The following EYS variants were observed in gnomAD, a reference collection of about 807,000 sequenced individuals.
EYS encodes protein eyes shut homolog.
EYS carries 250 observed loss-of-function variants against 282.1 expected under a neutral mutation model. The observed-to-expected ratio is 0.89, with a 90% CI of 0.80 to 0.98. The LOEUF (loss-of-function observed/expected upper bound fraction) is 0.98, where lower values mean the gene tolerates loss of function less well. Among genes scored for constraint, EYS ranks in the 50% least tolerant of loss-of-function variants. The probability of loss-of-function intolerance (pLI) is 0.00; values close to 1 mark genes in which losing one functional copy is unlikely to be tolerated. For missense variants in EYS, 4,016 were observed against 3,709.0 expected (o/e 1.08, Z -2.15); for synonymous variants, 1,355 against 1,282.9 (o/e 1.06, Z -1.20).
chr6:65,677,752 T>C (rs911699732), intron 1 of EYS, among the ~76,000 whole-genome samples: 3 of 152,028 alleles, frequency 2.0e-5, no homozygotes, highest in South Asian at 2.1e-4. Context: ...AGCCAGACAG[T>C]CTCATGCAAT....
intron 12 of EYS, among the ~76,000 whole-genome samples, chr6:65,259,124 T>G (rs1767548700): frequency 6.6e-6 from 1 of 152,032 alleles, no homozygotes. Flanking sequence ...ATTACTGAGG[T>G]CTTGTGTCTC....
At chr6:64,973,303 A>G (rs1770360004) in intron 14 of EYS, among the ~76,000 whole-genome samples, 1 of 152,048 alleles carries the variant, frequency 6.6e-6, no homozygotes, top group African/African-American at 2.4e-5. Context: ...GCCACTGGGC[A>G]AATAATCAAT....
At chr6:65,103,275 A>C (rs1192327788) in intron 12 of EYS, among the ~76,000 whole-genome samples, 1 of 151,574 alleles carries the variant, frequency 6.6e-6, no homozygotes, top group Non-Finnish European at 1.5e-5. Context: ...AAATACATGC[A>C]TAAGTCTTAT....
intron 12 of EYS, among the ~76,000 whole-genome samples, chr6:65,211,405 C>T (rs1460398605): frequency 6.6e-6 from 1 of 151,970 alleles, no homozygotes; most frequent in African/African-American, 2.4e-5. Context: ...TGAGACATAA[C>T]ATGCAAACCA....
In EYS at chr6:64,638,075, C is replaced by A. The variant is rs1768034657; in HGVS notation, c.3444-11830G>T. ...TAAGGATACACTGAGCATTTCAGAG[C>A]AACCCACTGTCCTGAACTGACAGTT... On this transcript the variant is annotated intron_variant, in intron 22 of 42. Transcript: ENST00000503581. 2.2e-5 allele frequency among the ~76,000 whole-genome samples: 2 copies of A among 90,842 alleles called. 1 individual carries two copies. The highest frequency in any genetic ancestry group is 8.4e-5 in the African/African-American group (2 of 23,868). 59.6% of individuals were successfully genotyped at this position (90,842 alleles called of 152,430 possible). A position where few individuals can be genotyped will look rare whatever the true frequency, so the allele number is the denominator to read the frequency against.
At chr6:65,339,253 A>T (rs1770107416) in intron 10 of EYS, among the ~76,000 whole-genome samples, 1 of 151,228 alleles carries the variant, frequency 6.6e-6, no homozygotes, top group African/African-American at 2.4e-5. Context: ...AATAGGGGAG[A>T]GAAACTAAAC....
In EYS at chr6:64,591,841, G is replaced by A. The variant is rs12663619; in HGVS notation, c.4026C>T (p.Ser1342=). 0.13 allele frequency: 200,111 copies of A among 1,550,060 alleles called. 13,847 individuals carry two copies. Among genetic ancestry groups the A allele is most frequent in the East Asian group, 0.15 (6,018 of 40,872 alleles). ...GGAATCGAGAAGAGGAAACATCTGC[G>A]GAAGAAAGAAGACTGTGTTTTGCTG... ...ELSAKHSLLS[S]ADVSSSRFLN... is the part of the protein sequence containing the mutation. Residue 1342 remains serine, a synonymous_variant, in exon 26 of 43, where the codon TCC becomes TCT. Coordinates refer to ENST00000503581, the MANE Select transcript of EYS (RefSeq NM_001142800.2).
chr6:65,139,135 T>G (rs910038042), intron 12 of EYS, among the ~76,000 whole-genome samples: 1 of 152,094 alleles, frequency 6.6e-6, no homozygotes, highest in African/African-American at 2.4e-5. Context: ...TGCACACATA[T>G]GTTCATCGCA....
chr6:64,930,771 T>C (rs930458224), intron 15 of EYS, among the ~76,000 whole-genome samples: 3 of 152,126 alleles, frequency 2.0e-5, no homozygotes, highest in Admixed American at 6.6e-5. Context: ...AGCTTTGTAG[T>C]GTCCATAAGA....
At chr6:63,754,395 A>G (rs1452107463) in intron 41 of EYS, among the ~76,000 whole-genome samples, 4 of 151,432 alleles carry the variant, frequency 2.6e-5, no homozygotes, top group East Asian at 2.0e-4. Context: ...CCCTATGTCC[A>G]TGTGTTCTCA....
rs1294803971 is a variant in EYS at position 64,120,488 on chromosome 6, T to C, written c.6425-38486A>G. Among the ~76,000 whole-genome samples, 6 of 152,062 alleles carry C rather than the reference T, an allele frequency of 3.9e-5. No individual in the cohort carries two copies. In the East Asian group the frequency reaches 1.2e-3, roughly 29 times the overall value. On this transcript the variant is annotated intron_variant, in intron 31 of 42. Transcript: ENST00000503581. ...TTCAAACTACTTTCTAAAATCTTCC[T>C]GTAGTTAAATTTTAATGAAATCAAA...
intron 28 of EYS, among the ~76,000 whole-genome samples, chr6:64,393,175 G>A: frequency 6.6e-6 from 1 of 152,094 alleles, no homozygotes; most frequent in African/African-American, 2.4e-5. Context: ...GGACCAGAGG[G>A]ATTCACAGCC....
At chr6:64,524,959 A>G (rs961130910) in intron 26 of EYS, among the ~76,000 whole-genome samples, 6 of 151,898 alleles carry the variant, frequency 4.0e-5, no homozygotes, top group Admixed American at 6.6e-5. Context: ...AGAAGTGCAT[A>G]TCAAAACCAC....
chr6:65,559,447 A>G (rs756912744), intron 2 of EYS, among the ~76,000 whole-genome samples: 1 of 152,196 alleles, frequency 6.6e-6, no homozygotes, highest in Non-Finnish European at 1.5e-5. Context: ...TAGATTTTGC[A>G]TGTAACTACT....
chr6:64,779,290 C>T (rs1773784156), intron 22 of EYS, among the ~76,000 whole-genome samples: 1 of 152,036 alleles, frequency 6.6e-6, no homozygotes, highest in Non-Finnish European at 1.5e-5. Context: ...TATATCTATA[C>T]AATAGAATAT....
chr6:64,693,751 T>C (rs921536546), intron 22 of EYS, among the ~76,000 whole-genome samples: 1 of 152,038 alleles, frequency 6.6e-6, no homozygotes, highest in South Asian at 2.1e-4. Context: ...ATTAATTTTT[T>C]TAAAAAATCA....
chr6:64,781,691 G>GAATATCATAGCA (rs1189785630), intron 22 of EYS, among the ~76,000 whole-genome samples: 1 of 151,776 alleles, frequency 6.6e-6, no homozygotes, highest in Non-Finnish European at 1.5e-5. Flanking sequence ...ATTCTGTGTT[G>GAATATCATAGCA]GTTGATGACT....
intron 8 of EYS, among the ~76,000 whole-genome samples, chr6:65,367,486 C>G (rs1439418376): frequency 1.3e-5 from 2 of 151,594 alleles, no homozygotes; most frequent in East Asian, 3.9e-4. Context: ...CTCAATTTCT[C>G]TAAGACATTT....
chr6:64,630,181 C>A (rs147429325), intron 22 of EYS, among the ~76,000 whole-genome samples: 1 of 152,024 alleles, frequency 6.6e-6, no homozygotes, highest in Non-Finnish European at 1.5e-5. Context: ...CTGCAAACTC[C>A]GCCACCCAGG....
Sources: allele counts gnomAD v4.1 joint callset (sites outside exome capture counted in the v4.1 genomes callset), GRCh38; gene constraint gnomAD v4.1.1; transcripts MANE v1.5; gene names NCBI Gene and HGNC (gene_info 2026-07-23, HGNC 2026-07-21).